The following CCDC171 variants were observed in gnomAD, a reference collection of about 807,000 sequenced individuals.
CCDC171 encodes the protein coiled-coil domain containing 171, also known as coiled-coil domain-containing protein 171.
CCDC171 carries 177 observed loss-of-function variants against 168.2 expected under a neutral mutation model. The ratio of observed to expected loss-of-function variants is 1.05; its 90% CI spans 0.93 to 1.19. CCDC171 has a LOEUF of 1.19. Ranked by LOEUF, CCDC171 falls within the 50% of genes most tolerant of loss-of-function variation. The pLI is 0.00. For synonymous variants in CCDC171, 687 were observed against 540.8 expected, an observed-to-expected ratio of 1.27 and a Z score of -3.75; for missense variants, 1,991 against 1,539.0, an observed-to-expected ratio of 1.29 and a Z score of -4.91.
At chr9:15,975,372 G>GA (rs1312813938), downstream of CCDC171, among the ~76,000 whole-genome samples, 23 of 151,998 alleles carry the variant, frequency 1.5e-4, no homozygotes, top group Middle Eastern at 3.4e-3. Context: ...TTTTTAAAGA[G>GA]AAAAAAAAAT....
the CCDC171 span, among the ~76,000 whole-genome samples, chr9:16,085,915 G>T: frequency 2.6e-5 from 4 of 152,074 alleles, no homozygotes. Context: ...AGGAATATTG[G>T]CCTGAAATTT....
the CCDC171 span, among the ~76,000 whole-genome samples, chr9:16,098,785 C>G: frequency 5.9e-5 from 9 of 152,080 alleles, no homozygotes; most frequent in Non-Finnish European, 1.2e-4. Context: ...TGGAATATTC[C>G]CCCTTTGAAG....
At chr9:15,687,228 A>G (rs988160467) in intron 10 of CCDC171, among the ~76,000 whole-genome samples, 2 of 152,202 alleles carry the variant, frequency 1.3e-5, no homozygotes, top group Non-Finnish European at 2.9e-5. Flanking sequence ...AAAAGACAAC[A>G]TACCAAACTT....
chr9:15,808,388 T>G (rs761023106), intron 21 of CCDC171, among the ~76,000 whole-genome samples: 7 of 152,160 alleles, frequency 4.6e-5, no homozygotes, highest in Non-Finnish European at 1.0e-4. Context: ...AGGATTGGGA[T>G]TTGTTAGATA....
At chr9:16,013,038 C>T (rs899263501) in intron 3 of CCDC171, among the ~76,000 whole-genome samples, 5 of 152,192 alleles carry the variant, frequency 3.3e-5, no homozygotes, top group African/African-American at 1.2e-4. Context: ...GGAACACCTT[C>T]ACCCATCAGA....
In CCDC171 at chr9:15,802,594, T is replaced by C. The variant is rs537875049; in HGVS notation, c.3267+17900T>C. Among the ~76,000 whole-genome samples the C allele has an allele frequency of 1.2e-4, 18 of 152,284 alleles. No individual in the cohort carries two copies. The South Asian group carries it at 3.3e-3, about 28-fold the overall frequency. Reference sequence around the variant, plus strand: ...CCTGCAAAGGATATGATCCCATTCCTTTTTATGGCTGCATGGTATTCCATG... The same window carrying C: ...CCTGCAAAGGATATGATCCCATTCCCTTTTATGGCTGCATGGTATTCCATG... On this transcript the variant is annotated intron_variant, in intron 21 of 25. Coordinates refer to ENST00000380701, the MANE Select transcript of CCDC171 (RefSeq NM_173550.4).
chr9:15,668,075 A>C (rs985716200), intron 9 of CCDC171, among the ~76,000 whole-genome samples: 1 of 152,206 alleles, frequency 6.6e-6, no homozygotes, highest in Non-Finnish European at 1.5e-5. Context: ...TTTTGCTTTA[A>C]GGTAATGATT....
intron 4 of CCDC171, chr9:15,588,655 A>C (rs1242172320): frequency 8.3e-6 from 2 of 240,614 alleles, no homozygotes; most frequent in South Asian, 1.4e-4. Flanking sequence ...TTTGGTGACT[A>C]TACAGTTTGA....
chr9:15,824,169 T>G (rs1370070613), intron 21 of CCDC171, among the ~76,000 whole-genome samples: 2 of 152,076 alleles, frequency 1.3e-5, no homozygotes, highest in African/African-American at 4.8e-5. Context: ...TCTGAAATCA[T>G]GTATCTATGT....
At chr9:15,681,051 A>AT (rs1182046544) in intron 10 of CCDC171, among the ~76,000 whole-genome samples, 4 of 151,608 alleles carry the variant, frequency 2.6e-5, no homozygotes, top group South Asian at 2.1e-4. Context: ...GTACCAACAG[A>AT]TTTTTTTTTC....
intron 3 of CCDC171, among the ~76,000 whole-genome samples, chr9:15,995,156 T>C (rs1423405659): frequency 2.0e-5 from 3 of 152,216 alleles, no homozygotes; most frequent in Non-Finnish European, 2.9e-5. Flanking sequence ...TTATATTTAC[T>C]CTCAATTGTT....
At chr9:16,043,691 G>A (rs1833608955) in intron 1 of CCDC171, among the ~76,000 whole-genome samples, 1 of 152,218 alleles carries the variant, frequency 6.6e-6, no homozygotes, top group Admixed American at 6.5e-5. Flanking sequence ...GATATCAGAT[G>A]TGGCTTTGTT....
Position 15,745,561 on chromosome 9 carries a change from C to G in CCDC171, c.2601C>G (p.Leu867=). The change falls in exon 18 of 26, where the codon CTC becomes CTG. Residue 867 remains leucine (L), a synonymous_variant. Transcript: ENST00000380701. The part of the protein sequence containing the change: ...QLRCLQALSW[L]TSSDLLAAII... ...GTTGTTTACAAGCGCTCAGTTGGCT[C>G]ACCAGTTCTGACCTTCTTGCTGCAA... 2 of 1,590,436 alleles carry G rather than the reference C, an allele frequency of 1.3e-6. No homozygotes were observed. The highest frequency in any genetic ancestry group is 1.7e-6 in the Non-Finnish European group (2 of 1,170,414).
intron 1 of CCDC171, among the ~76,000 whole-genome samples, chr9:16,056,116 A>T (rs1343319280): frequency 1.3e-5 from 2 of 152,254 alleles, no homozygotes; most frequent in African/African-American, 4.8e-5. Flanking sequence ...TCAGGAAAAA[A>T]ACCCAAACAT....
intron 25 of CCDC171, among the ~76,000 whole-genome samples, chr9:15,929,427 T>G (rs1005887353): frequency 2.6e-5 from 4 of 151,762 alleles, no homozygotes; most frequent in Non-Finnish European, 5.9e-5. Flanking sequence ...GGTCCCAAAC[T>G]GAACACTTTT....
chr9:15,865,983 A>G (rs1045791122), intron 23 of CCDC171, among the ~76,000 whole-genome samples: 5 of 151,980 alleles, frequency 3.3e-5, no homozygotes, highest in African/African-American at 1.2e-4. Flanking sequence ...TGGGGCCTCA[A>G]AATATGAGGA....
At chr9:16,038,935 C>G (rs1006023784), upstream of CCDC171, among the ~76,000 whole-genome samples, 12 of 146,436 alleles carry the variant, frequency 8.2e-5, no homozygotes, top group African/African-American at 3.0e-4. Flanking sequence ...TTTATGATTA[C>G]TGATAAAGGT....
chr9:15,929,152 A>T (rs1826218981), intron 25 of CCDC171, among the ~76,000 whole-genome samples: 1 of 151,708 alleles, frequency 6.6e-6, no homozygotes, highest in Admixed American at 6.6e-5. Context: ...TTTTACAAGG[A>T]TGGAGCAAGA....
chr9:16,027,664 G>A (rs2133035209), intron 6 of CCDC171, among the ~76,000 whole-genome samples: 1 of 152,294 alleles, frequency 6.6e-6, no homozygotes, highest in South Asian at 2.1e-4. Flanking sequence ...CAAGCCTGGT[G>A]CACGGCACAA....
Sources: gnomAD v4.1 joint callset for allele counts (sites outside exome capture counted in the v4.1 genomes callset) on GRCh38, gnomAD v4.1.1 for gene constraint, MANE v1.5 for transcripts, NCBI Gene and HGNC (gene_info 2026-07-23, HGNC 2026-07-21) for gene names.